Variants in MAPKAP1 observed in about 807,000 individuals in gnomAD.
MAPKAP1 encodes target of rapamycin complex 2 subunit MAPKAP1.
Under a neutral mutation model 65.7 loss-of-function variants are expected in MAPKAP1, and 20 were observed. The observed-to-expected ratio is 0.30, with a 90% CI of 0.21 to 0.44. MAPKAP1 has a LOEUF of 0.44. Ranked by LOEUF, MAPKAP1 falls within the 20% of genes least tolerant of loss-of-function variation. The pLI, the probability that MAPKAP1 is intolerant of heterozygous loss-of-function variation, is 1.00. For missense variants in MAPKAP1, 423 were observed against 648.0 expected (o/e 0.65, Z 3.77); for synonymous variants, 222 against 244.3 (o/e 0.91, Z 0.85).
At chr9:125,610,512 T>A (rs1832567176) in intron 4 of MAPKAP1, among the ~76,000 whole-genome samples, 1 of 152,160 alleles carries the variant, frequency 6.6e-6, no homozygotes, top group Non-Finnish European at 1.5e-5. Context: ...GTTTTCTTGG[T>A]CAGCAGGCTA....
intron 1 of MAPKAP1, among the ~76,000 whole-genome samples, chr9:125,691,524 A>G (rs753692459): frequency 1.3e-5 from 2 of 152,222 alleles, no homozygotes; most frequent in Non-Finnish European, 2.9e-5. Context: ...GAAAGGTCTG[A>G]GCAAACTTGG....
chr9:125,565,828 A>C, intron 5 of MAPKAP1: 2 of 342,434 alleles, frequency 5.8e-6, no homozygotes, highest in Non-Finnish European at 1.2e-5. Context: ...TGAAGTGCTT[A>C]GCATGTGGTG....
intron 3 of MAPKAP1, among the ~76,000 whole-genome samples, chr9:125,659,096 A>C (rs770909217): frequency 2.6e-5 from 4 of 152,248 alleles, no homozygotes; most frequent in Admixed American, 2.6e-4. Context: ...TTAGACTATA[A>C]TTCAATTAAA....
intron 7 of MAPKAP1, among the ~76,000 whole-genome samples, chr9:125,507,549 C>T (rs1829177895): frequency 6.6e-6 from 1 of 152,214 alleles, no homozygotes; most frequent in Non-Finnish European, 1.5e-5. Context: ...TCCAGTCATT[C>T]TCCTTCCCAT....
At chr9:125,476,357 T>G (rs1000703445) in intron 9 of MAPKAP1, among the ~76,000 whole-genome samples, 2 of 152,140 alleles carry the variant, frequency 1.3e-5, no homozygotes, top group African/African-American at 4.8e-5. Flanking sequence ...CAACTTCAAA[T>G]TACTGAACGG....
intron 7 of MAPKAP1, among the ~76,000 whole-genome samples, chr9:125,526,631 G>A (rs1829776308): frequency 6.6e-6 from 1 of 152,196 alleles, no homozygotes; most frequent in South Asian, 2.1e-4. Context: ...GCTTTTAGGA[G>A]AAAGGGCGTT....
intron 4 of MAPKAP1, among the ~76,000 whole-genome samples, chr9:125,605,979 C>T (rs948948114): frequency 2.6e-5 from 4 of 152,290 alleles, no homozygotes; most frequent in Middle Eastern, 3.4e-3. Flanking sequence ...ATACTCCATT[C>T]AAAGACTGAG....
At position 125,707,101 on chromosome 9, in the gene MAPKAP1, C is replaced by A; in HGVS notation, c.-200G>T. ...CTCGGGATCCACGGGGACCGGCGCTCCTCCCGGCCCGCTCAGCTGCCGCTT... is the reference window on the plus strand; with the variant it reads ...CTCGGGATCCACGGGGACCGGCGCTACTCCCGGCCCGCTCAGCTGCCGCTT... On this transcript the variant is annotated 5_prime_UTR_variant, in exon 1 of 12. Transcript: ENST00000265960. The A allele has an allele frequency of 2.5e-6, 1 of 398,256 alleles. No homozygotes were observed. The highest frequency in any genetic ancestry group is 1.3e-4 in the South Asian group (1 of 7,834). 24.7% of individuals were successfully genotyped at this position (398,256 alleles called of 1,614,324 possible). A position where few individuals can be genotyped will look rare whatever the true frequency, so the allele number is the denominator to read the frequency against.
At chr9:125,592,295 C>A (rs1368595495) in intron 4 of MAPKAP1, among the ~76,000 whole-genome samples, 2 of 152,196 alleles carry the variant, frequency 1.3e-5, no homozygotes, top group African/African-American at 4.8e-5. Flanking sequence ...TTCCATGCAA[C>A]AGAACCTTAA....
chr9:125,583,373 C>T (rs533032263), intron 5 of MAPKAP1, among the ~76,000 whole-genome samples: 5 of 152,270 alleles, frequency 3.3e-5, no homozygotes, highest in African/African-American at 7.2e-5. Context: ...TGATTTTGCA[C>T]GTAATTGTAT....
At chr9:125,683,444 G>A (rs950664053) in intron 1 of MAPKAP1, among the ~76,000 whole-genome samples, 2 of 152,138 alleles carry the variant, frequency 1.3e-5, no homozygotes, top group South Asian at 2.1e-4. Flanking sequence ...TCTTCTTGCC[G>A]GCCTTGAAGA....
intron 4 of MAPKAP1, among the ~76,000 whole-genome samples, chr9:125,624,838 GC>G (rs1833049414): frequency 1.1e-5 from 1 of 87,218 alleles, no homozygotes; most frequent in East Asian, 4.7e-4. Context: ...TCGGATGGTT[GC>G]CGTGTCTGTG....
chr9:125,577,013 C>A (rs1404222050), intron 5 of MAPKAP1, among the ~76,000 whole-genome samples: 1 of 151,630 alleles, frequency 6.6e-6, no homozygotes, highest in African/African-American at 2.4e-5. Flanking sequence ...CTCTGCCTGG[C>A]TGCCCAGTCT....
At chr9:125,665,421 T>C (rs1011953126) in intron 3 of MAPKAP1, among the ~76,000 whole-genome samples, 1 of 152,186 alleles carries the variant, frequency 6.6e-6, no homozygotes, top group Non-Finnish European at 1.5e-5. Flanking sequence ...AACCATAACT[T>C]ACCCTTAAGA....
At chr9:125,681,615 C>T (rs1834823877) in intron 1 of MAPKAP1, among the ~76,000 whole-genome samples, 1 of 152,200 alleles carries the variant, frequency 6.6e-6, no homozygotes, top group South Asian at 2.1e-4. Flanking sequence ...GAGTGATTCT[C>T]ACACTTCTCC....
chr9:125,442,536 T>TAAAAA (rs11450537), intron 11 of MAPKAP1, among the ~76,000 whole-genome samples: 1,863 of 137,160 alleles, frequency 0.014, 18 homozygotes, highest in South Asian at 0.04. Context: ...ATGCTGGCTA[T>TAAAAA]AAAAAAAAAA....
At chr9:125,449,838 C>T (rs1195803910) in intron 10 of MAPKAP1, among the ~76,000 whole-genome samples, 1 of 152,162 alleles carries the variant, frequency 6.6e-6, no homozygotes, top group African/African-American at 2.4e-5. Flanking sequence ...CATACATGAA[C>T]AGCACTCACA....
intron 8 of MAPKAP1, among the ~76,000 whole-genome samples, chr9:125,488,647 C>T (rs959859490): frequency 1.3e-5 from 2 of 152,168 alleles, no homozygotes; most frequent in Admixed American, 6.5e-5. Flanking sequence ...TGCCCAGCCT[C>T]CAGTGTCATT....
chr9:125,541,253 T>C (rs189013869), intron 7 of MAPKAP1, among the ~76,000 whole-genome samples: 4 of 152,182 alleles, frequency 2.6e-5, no homozygotes, highest in Admixed American at 1.3e-4. Context: ...GGAATGGACA[T>C]AGAAAAACGG....
Sources: gnomAD v4.1 joint callset for allele counts (sites outside exome capture counted in the v4.1 genomes callset) on GRCh38, gnomAD v4.1.1 for gene constraint, MANE v1.5 for transcripts, NCBI Gene and HGNC (gene_info 2026-07-23, HGNC 2026-07-21) for gene names.